AGBL1: variants seen among roughly 807,000 people sequenced by gnomAD.
The protein encoded by AGBL1 is AGBL carboxypeptidase 1, also known as cytosolic carboxypeptidase 4.
AGBL1 carries 130 observed loss-of-function variants against 118.9 expected under a neutral mutation model. The ratio of observed to expected loss-of-function variants is 1.09; its 90% CI spans 0.95 to 1.26. AGBL1 has a LOEUF of 1.26. AGBL1 is among the 50% of genes most tolerant of loss of function. The pLI is 0.00. For synonymous variants in AGBL1, 555 were observed against 478.9 expected (o/e 1.16, Z -2.08); for missense variants, 1,584 against 1,298.1 (o/e 1.22, Z -3.38).
At chr15:86,736,985 A>G (rs2077611368) in intron 22 of AGBL1, among the ~76,000 whole-genome samples, 1 of 152,198 alleles carries the variant, frequency 6.6e-6, no homozygotes, top group Non-Finnish European at 1.5e-5. Flanking sequence ...CTAGCTTGTA[A>G]CAATCCCCCT....
intron 22 of AGBL1, among the ~76,000 whole-genome samples, chr15:86,732,170 C>G (rs1204117782): frequency 6.6e-6 from 1 of 152,156 alleles, no homozygotes; most frequent in Non-Finnish European, 1.5e-5. Context: ...CAGTAGGGCT[C>G]TAGAGACTAA....
chr15:86,126,083 A>G (rs1490427568), intron 1 of AGBL1, among the ~76,000 whole-genome samples: 1 of 152,044 alleles, frequency 6.6e-6, no homozygotes, highest in Non-Finnish European at 1.5e-5. Flanking sequence ...TGATCGTTGA[A>G]GACTTGATCC....
At chr15:87,006,346 C>G (rs1184256358) in intron 24 of AGBL1, among the ~76,000 whole-genome samples, 1 of 152,156 alleles carries the variant, frequency 6.6e-6, no homozygotes, top group Non-Finnish European at 1.5e-5. Context: ...CCACTCAGTT[C>G]AAGCTTCCCT....
intron 21 of AGBL1, among the ~76,000 whole-genome samples, chr15:86,559,734 A>G (rs940761494): frequency 7.2e-5 from 11 of 152,124 alleles, no homozygotes; most frequent in African/African-American, 2.2e-4. Context: ...CAGAGAAGTT[A>G]AGTAACTTGC....
chr15:86,119,966 G>C (rs1306830007), intron 1 of AGBL1, among the ~76,000 whole-genome samples: 2 of 152,066 alleles, frequency 1.3e-5, no homozygotes, highest in Non-Finnish European at 2.9e-5. Context: ...AAACTAACTC[G>C]ATTTCCATTC....
At chr15:86,356,395 G>A (rs933449043) in intron 17 of AGBL1, among the ~76,000 whole-genome samples, 3 of 151,874 alleles carry the variant, frequency 2.0e-5, no homozygotes, top group Non-Finnish European at 4.4e-5. Flanking sequence ...TCAGAGAATA[G>A]GGAAAATGAA....
intron 18 of AGBL1, among the ~76,000 whole-genome samples, chr15:86,475,292 T>C (rs2082541795): frequency 6.6e-6 from 1 of 152,080 alleles, no homozygotes; most frequent in Non-Finnish European, 1.5e-5. Flanking sequence ...AAGAAGGAAG[T>C]TCGAACCCAC....
At chr15:86,311,294 G>A (rs951382787) in intron 17 of AGBL1, among the ~76,000 whole-genome samples, 3 of 152,118 alleles carry the variant, frequency 2.0e-5, no homozygotes, top group African/African-American at 7.2e-5. Context: ...TGCAAAAAAT[G>A]GAAGTTCTTA....
chr15:86,952,985 G>A (rs1348149434), intron 23 of AGBL1, among the ~76,000 whole-genome samples: 1 of 152,054 alleles, frequency 6.6e-6, no homozygotes, highest in East Asian at 1.9e-4. Context: ...ATTGTTATAG[G>A]TGTGCAGCTT....
intron 22 of AGBL1, among the ~76,000 whole-genome samples, chr15:86,680,574 T>C (rs2085936092): frequency 7.1e-6 from 1 of 141,092 alleles, no homozygotes; most frequent in Admixed American, 7.1e-5. Context: ...TCTTTTTTTT[T>C]TTTTTTTTTT....
At chr15:86,216,592 C>A (rs1453482136) in intron 5 of AGBL1, among the ~76,000 whole-genome samples, 1 of 152,088 alleles carries the variant, frequency 6.6e-6, no homozygotes, top group Non-Finnish European at 1.5e-5. Context: ...TCAAACCAAC[C>A]CTGCATTCCT....
chr15:86,645,393 T>C (rs1048108356), intron 21 of AGBL1, among the ~76,000 whole-genome samples: 2 of 152,210 alleles, frequency 1.3e-5, no homozygotes, highest in Non-Finnish European at 2.9e-5. Flanking sequence ...GCTGAAATAT[T>C]TTAAAATTAA....
chr15:86,313,143 G>A (rs373119490), intron 17 of AGBL1, among the ~76,000 whole-genome samples: 357 of 152,320 alleles, frequency 2.3e-3, no homozygotes, highest in African/African-American at 8.1e-3. Flanking sequence ...TTTAGTCATG[G>A]TAAGAAGTGG....
chr15:86,121,667 C>T (rs143404502), intron 1 of AGBL1, among the ~76,000 whole-genome samples: 1 of 152,204 alleles, frequency 6.6e-6, no homozygotes, highest in Non-Finnish European at 1.5e-5. Flanking sequence ...CTAAGAGGAA[C>T]CCACGTTTCT....
chr15:86,317,672 CTT>C (rs2080036933), intron 17 of AGBL1, among the ~76,000 whole-genome samples: 1 of 152,170 alleles, frequency 6.6e-6, no homozygotes, highest in South Asian at 2.1e-4. Flanking sequence ...GATTGACAAA[CTT>C]TTTCTGTAAA....
chr15:86,601,256 A>C (rs2084488370), intron 21 of AGBL1, among the ~76,000 whole-genome samples: 1 of 152,208 alleles, frequency 6.6e-6, no homozygotes, highest in Non-Finnish European at 1.5e-5. Context: ...CTGTAGACTT[A>C]GCTAGCACTC....
At chr15:86,743,477 G>C (rs186841734) in intron 22 of AGBL1, among the ~76,000 whole-genome samples, 2 of 152,264 alleles carry the variant, frequency 1.3e-5, no homozygotes, top group East Asian at 1.9e-4. Flanking sequence ...TCTGGCAAGA[G>C]AGCGTCCCCT....
chr15:86,679,282 T>C (rs575018525), intron 22 of AGBL1, among the ~76,000 whole-genome samples: 24 of 152,266 alleles, frequency 1.6e-4, no homozygotes, highest in African/African-American at 5.5e-4. Context: ...CGTATCCTTT[T>C]TATGTAGTTC....
chr15:86,802,311 T>C (rs1464618110), intron 22 of AGBL1, among the ~76,000 whole-genome samples: 1 of 151,994 alleles, frequency 6.6e-6, no homozygotes, highest in African/African-American at 2.4e-5. Context: ...AATTGCATTG[T>C]AGTATTCTTG....
Sources: allele counts gnomAD v4.1 joint callset (sites outside exome capture counted in the v4.1 genomes callset), GRCh38; gene constraint gnomAD v4.1.1; transcripts MANE v1.5; gene names NCBI Gene and HGNC (gene_info 2026-07-23, HGNC 2026-07-21).